Variants in LRRC7 observed in about 807,000 individuals in gnomAD.
The protein encoded by LRRC7 is leucine rich repeat containing 7.
A neutral mutation model predicts 175.7 loss-of-function variants in LRRC7; 23 were observed. That is an observed-to-expected ratio of 0.13 (90% CI 0.09 to 0.19). The LOEUF (loss-of-function observed/expected upper bound fraction) is 0.19, where lower values mean the gene tolerates loss of function less well. Ranked by LOEUF, LRRC7 falls within the 10% of genes least tolerant of loss-of-function variation. LRRC7 has a pLI of 1.00. For synonymous variants in LRRC7, 685 were observed against 680.9 expected (o/e 1.01, Z -0.09); for missense variants, 1,354 against 1,904.7 (o/e 0.71, Z 5.38).
intron 2 of LRRC7, among the ~76,000 whole-genome samples, chr1:69,731,369 A>G (rs1461349014): frequency 6.6e-6 from 1 of 152,060 alleles, no homozygotes; most frequent in African/African-American, 2.4e-5. Context: ...AACTGCCCCC[A>G]TGATTCAATT....
At chr1:70,076,342 A>G (rs771181173) in intron 24 of LRRC7, 44 bp downstream of exon 24, 2 of 1,573,138 alleles carry the variant, frequency 1.3e-6, no homozygotes, top group African/African-American at 1.4e-5. Context: ...CAGGTAAGAA[A>G]AGTCCAAAGA....
rs1653614952 is a variant in LRRC7 at position 69,983,254 on chromosome 1, A to T, written c.786+2801A>T. Among the ~76,000 whole-genome samples the T allele has an allele frequency of 2.6e-5, 4 of 152,314 alleles. No homozygotes were observed. In the South Asian group the frequency reaches 8.3e-4, roughly 32 times the overall value. ...AGCTAGCAAATATTCAGTCACTCGAAGCCTGTGCTCACACTCTGCACCCAC... is the reference window on the plus strand; with the variant it reads ...AGCTAGCAAATATTCAGTCACTCGATGCCTGTGCTCACACTCTGCACCCAC... On this transcript the variant is annotated intron_variant, in intron 9 of 26. Transcript: ENST00000651989.
rs545739330 is a variant in LRRC7 at position 69,961,463 on chromosome 1, G to A, written c.712-18916G>A. On this transcript the variant is annotated intron_variant, in intron 8 of 26. Transcript: ENST00000651989. ...CATTAAACTACCATTGACATTCTTC[G>A]CAGAACTAGAAAAAACTATTTTAAA... is the stretch of plus-strand genomic sequence containing the variant. Among the ~76,000 whole-genome samples, 5 of 152,134 alleles carry A rather than the reference G, an allele frequency of 3.3e-5. No homozygotes were observed. The South Asian group carries it at 6.2e-4, about 19-fold the overall frequency.
At chr1:69,627,148 C>CACTG (rs1168092805) in intron 1 of LRRC7, among the ~76,000 whole-genome samples, 1 of 152,194 alleles carries the variant, frequency 6.6e-6, no homozygotes, top group Non-Finnish European at 1.5e-5. Context: ...GGAATCACCA[C>CACTG]ACTGACTTCC....
chr1:69,920,548 T>C (rs576614434), intron 7 of LRRC7, among the ~76,000 whole-genome samples: 2 of 152,258 alleles, frequency 1.3e-5, no homozygotes, highest in Admixed American at 1.3e-4. Context: ...ATATCACTCA[T>C]TTTTTCTTTT....
At position 69,621,178 on chromosome 1, in the gene LRRC7, G is replaced by A. The variant is rs1258272680; in HGVS notation, c.2+52537G>A. ...TCTGGTCTCAGGTTCCCGAGTAGCT[G>A]GGATTACAGGCATGTGCCACCATGC... On this transcript the variant is annotated intron_variant, in intron 1 of 26. Transcript: ENST00000651989. 2.0e-5 allele frequency among the ~76,000 whole-genome samples: 3 copies of A among 152,036 alleles called. No homozygotes were observed. In the East Asian group the frequency reaches 5.8e-4, roughly 30 times the overall value.
intron 7 of LRRC7, among the ~76,000 whole-genome samples, chr1:69,913,667 A>T (rs1206258043): frequency 6.6e-6 from 1 of 152,040 alleles, no homozygotes; most frequent in Non-Finnish European, 1.5e-5. Context: ...ACCCATGACC[A>T]CGCCTGGCTA....
intron 1 of LRRC7, among the ~76,000 whole-genome samples, chr1:69,582,643 G>A (rs949204989): frequency 2.0e-5 from 3 of 152,206 alleles, no homozygotes; most frequent in African/African-American, 7.2e-5. Context: ...GGAACTCCAA[G>A]TCATTCCAAA....
At chr1:69,931,111 T>A (rs1267115820) in intron 7 of LRRC7, among the ~76,000 whole-genome samples, 1 of 152,188 alleles carries the variant, frequency 6.6e-6, no homozygotes, top group Non-Finnish European at 1.5e-5. Context: ...ATAAGACTGA[T>A]GATGAAATGG....
chr1:69,820,863 T>C (rs11209551), intron 4 of LRRC7, among the ~76,000 whole-genome samples: 18,976 of 152,182 alleles, frequency 0.12, 1,521 homozygotes, highest in East Asian at 0.22. Flanking sequence ...TTATAATCCT[T>C]TGGGTATATA....
intron 23 of LRRC7, among the ~76,000 whole-genome samples, chr1:70,060,434 T>C (rs1409552368): frequency 6.6e-6 from 1 of 152,176 alleles, no homozygotes; most frequent in Non-Finnish European, 1.5e-5. Context: ...TATGTAGAAC[T>C]GGAATAAAAG....
intron 1 of LRRC7, among the ~76,000 whole-genome samples, chr1:69,616,051 A>G (rs1649556618): frequency 1.3e-5 from 2 of 152,096 alleles, no homozygotes; most frequent in Admixed American, 1.3e-4. Flanking sequence ...TATCAAAGAA[A>G]TTCAACAACT....
chr1:69,947,965 A>G (rs1052891441), intron 8 of LRRC7, among the ~76,000 whole-genome samples: 2 of 152,078 alleles, frequency 1.3e-5, no homozygotes, highest in Non-Finnish European at 2.9e-5. Flanking sequence ...ATTGTGGTAT[A>G]CTAACTCTTC....
At chr1:69,971,086 G>C (rs952406521) in intron 8 of LRRC7, among the ~76,000 whole-genome samples, 1 of 152,020 alleles carries the variant, frequency 6.6e-6, no homozygotes, top group Non-Finnish European at 1.5e-5. Context: ...CATCGTTTTT[G>C]ATTAAAACTC....
chr1:69,856,737 G>T (rs1683684154), intron 7 of LRRC7, among the ~76,000 whole-genome samples: 1 of 152,164 alleles, frequency 6.6e-6, no homozygotes, highest in Admixed American at 6.5e-5. Flanking sequence ...AATAGAAAAA[G>T]AGGGAATCCT....
rs183259366 is a variant in LRRC7, at chr1:69,923,002, G to A, written c.648-8505G>A. Reference sequence around the variant, plus strand: ...CCCACAACAGTCCCCAGAGTGTGATGTTCCCCTTCCTGTGTCCATGTGCTC... The same window carrying A: ...CCCACAACAGTCCCCAGAGTGTGATATTCCCCTTCCTGTGTCCATGTGCTC... On this transcript the variant is annotated intron_variant, in intron 7 of 26. Coordinates refer to ENST00000651989, the MANE Select transcript of LRRC7 (RefSeq NM_001370785.2). Among the ~76,000 whole-genome samples the A allele has an allele frequency of 3.3e-3, 494 of 151,796 alleles. 1 individual carries two copies. The highest frequency in any genetic ancestry group is 0.011 in the African/African-American group (447 of 41,362).
chr1:70,109,772 C>T (rs1186427167), intron 26 of LRRC7, among the ~76,000 whole-genome samples: 2 of 152,162 alleles, frequency 1.3e-5, no homozygotes, highest in Non-Finnish European at 2.9e-5. Flanking sequence ...AAACTAACAA[C>T]ATAACTCTCT....
intron 7 of LRRC7, among the ~76,000 whole-genome samples, chr1:69,924,996 GT>G (rs1176614556): frequency 5.9e-5 from 9 of 152,076 alleles, no homozygotes; most frequent in Admixed American, 5.9e-4. Context: ...TTTATTGAGA[GT>G]TTTTAGCATG....
intron 2 of LRRC7, among the ~76,000 whole-genome samples, chr1:69,717,212 CATAA>C (rs1665467146): frequency 6.6e-6 from 1 of 151,200 alleles, no homozygotes; most frequent in Non-Finnish European, 1.5e-5. Context: ...AAATTTTATG[CATAA>C]ATGTTTTATA....
Sources: allele counts gnomAD v4.1 joint callset (sites outside exome capture counted in the v4.1 genomes callset), GRCh38; gene constraint gnomAD v4.1.1; transcripts MANE v1.5; gene names NCBI Gene and HGNC (gene_info 2026-07-23, HGNC 2026-07-21).